SOX5: variants seen among roughly 807,000 people sequenced by gnomAD.
SOX5 encodes SRY-box transcription factor 5, also known as transcription factor SOX-5.
In SOX5, 9 loss-of-function variants were observed where a neutral mutation model predicts 92.0. That is an observed-to-expected ratio of 0.10 (90% CI 0.06 to 0.17). The LOEUF (loss-of-function observed/expected upper bound fraction) is 0.17. Ranked by LOEUF, SOX5 falls within the 10% of genes least tolerant of loss-of-function variation. SOX5 has a pLI of 1.00. For synonymous variants in SOX5, 344 were observed against 336.3 expected, an observed-to-expected ratio of 1.02 and a Z score of -0.25; for missense variants, 642 against 944.5, an observed-to-expected ratio of 0.68 and a Z score of 4.20.
intron 3 of SOX5, among the ~76,000 whole-genome samples, chr12:23,805,303 T>C (rs1426501026): frequency 2.0e-5 from 3 of 151,922 alleles, no homozygotes; most frequent in Non-Finnish European, 4.4e-5. Flanking sequence ...CTATCTATAG[T>C]GGTATATGTT....
At chr12:23,720,669 T>G (rs2092766285) in intron 6 of SOX5, among the ~76,000 whole-genome samples, 1 of 152,196 alleles carries the variant, frequency 6.6e-6, no homozygotes, top group Admixed American at 6.5e-5. Context: ...TTAAAGTTTT[T>G]TATATGTACC....
chr12:23,743,878 T>C (rs1211198269), intron 4 of SOX5, among the ~76,000 whole-genome samples: 1 of 152,248 alleles, frequency 6.6e-6, no homozygotes, highest in African/African-American at 2.4e-5. Flanking sequence ...GGGTCAACTG[T>C]ATATATTTGG....
At chr12:24,079,235 T>C (rs1410872480) in intron 4 of SOX5, among the ~76,000 whole-genome samples, 1 of 151,678 alleles carries the variant, frequency 6.6e-6, no homozygotes, top group Non-Finnish European at 1.5e-5. Flanking sequence ...AATATTTTCA[T>C]TTTAAAGATA....
intron 4 of SOX5, among the ~76,000 whole-genome samples, chr12:24,024,137 A>T (rs923975832): frequency 1.3e-5 from 2 of 152,186 alleles, no homozygotes; most frequent in African/African-American, 4.8e-5. Context: ...AGATTATTTA[A>T]TAAGTTATTA....
intron 1 of SOX5, among the ~76,000 whole-genome samples, chr12:24,496,714 G>A (rs1056631376): frequency 6.6e-6 from 1 of 152,134 alleles, no homozygotes; most frequent in East Asian, 1.9e-4. Flanking sequence ...CGTTTATACC[G>A]TGTTTTCCAA....
At chr12:23,705,329 T>C (rs2091248136) in intron 6 of SOX5, among the ~76,000 whole-genome samples, 1 of 152,158 alleles carries the variant, frequency 6.6e-6, no homozygotes, top group South Asian at 2.1e-4. Context: ...ATCTTCTCAC[T>C]AAACATCTGT....
At chr12:23,864,823 C>G (rs2096793885) in intron 2 of SOX5, among the ~76,000 whole-genome samples, 1 of 152,212 alleles carries the variant, frequency 6.6e-6, no homozygotes, top group Non-Finnish European at 1.5e-5. Flanking sequence ...TGCAGCAAGT[C>G]ATCCAGAAGA....
intron 1 of SOX5, among the ~76,000 whole-genome samples, chr12:24,558,716 C>T (rs1954050098): frequency 6.6e-6 from 1 of 152,112 alleles, no homozygotes; most frequent in Admixed American, 6.5e-5. Context: ...ATCAGAAATC[C>T]CTCTCATAAA....
rs906398798 is a variant in SOX5 at position 23,929,789 on chromosome 12, G to A, written c.38+19775C>T. Among the ~76,000 whole-genome samples the A allele has an allele frequency of 4.0e-5, 6 of 151,754 alleles. No homozygotes were observed. In the South Asian group the frequency reaches 1.0e-3, roughly 26 times the overall value. On this transcript the variant is annotated intron_variant, in intron 1 of 14. Transcript: ENST00000451604. ...ACTACTACTTTTTAAGACATAACAC[G>A]ACAGCTTATATTGAACCAACAGAAA...
intron 3 of SOX5, among the ~76,000 whole-genome samples, chr12:23,758,717 T>C (rs1227098410): frequency 2.0e-5 from 3 of 151,832 alleles, no homozygotes; most frequent in Non-Finnish European, 4.4e-5. Flanking sequence ...TAACCCCTAA[T>C]CCAAAAGTGT....
chr12:24,429,023 G>A (rs750066078), intron 1 of SOX5, among the ~76,000 whole-genome samples: 3 of 151,936 alleles, frequency 2.0e-5, no homozygotes, highest in Non-Finnish European at 4.4e-5. Flanking sequence ...GCATAAAGGT[G>A]TTGGAATAGT....
chr12:23,980,287 A>G (rs933149924), intron 4 of SOX5, among the ~76,000 whole-genome samples: 5 of 152,168 alleles, frequency 3.3e-5, no homozygotes, highest in Non-Finnish European at 7.3e-5. Flanking sequence ...CATAATATAA[A>G]GTGCAGGTAA....
At chr12:24,367,221 G>A (rs947021399) in intron 2 of SOX5, among the ~76,000 whole-genome samples, 2 of 152,138 alleles carry the variant, frequency 1.3e-5, no homozygotes, top group African/African-American at 4.8e-5. Flanking sequence ...TAAATGCCAA[G>A]AGTGAGTATT....
chr12:24,246,743 A>T (rs962478638), intron 3 of SOX5, among the ~76,000 whole-genome samples: 2 of 152,184 alleles, frequency 1.3e-5, no homozygotes, highest in African/African-American at 4.8e-5. Flanking sequence ...TATTTTCAAC[A>T]CCATTATAAT....
chr12:23,678,677 C>T (rs2086091798), intron 6 of SOX5, among the ~76,000 whole-genome samples: 1 of 152,028 alleles, frequency 6.6e-6, no homozygotes, highest in Non-Finnish European at 1.5e-5. Flanking sequence ...TCTATCTTTA[C>T]TCTTTGAAAC....
At chr12:23,957,194 A>G (rs994452559) in intron 4 of SOX5, among the ~76,000 whole-genome samples, 4 of 152,204 alleles carry the variant, frequency 2.6e-5, no homozygotes, top group African/African-American at 9.6e-5. Flanking sequence ...ACAGCAATAT[A>G]AGACAGTGAG....
chr12:23,790,291 ATATCT>A lies in SOX5; in HGVS notation c.482-34572_482-34568del, dbSNP rs1486704351. 5.3e-5 allele frequency among the ~76,000 whole-genome samples: 8 copies of A among 152,128 alleles called. No individual in the cohort carries two copies. The East Asian group carries it at 5.8e-4, about 11-fold the overall frequency. On this transcript the variant is annotated intron_variant, in intron 3 of 14. Transcript: ENST00000451604. ...ATGTGAATTTTATTATTTCATAATCATATCTTAAGTGTCATGATTTGCAAAATATA... is the reference window on the plus strand; with the variant it reads ...ATGTGAATTTTATTATTTCATAATCATAAGTGTCATGATTTGCAAAATATA...
chr12:24,524,457 C>T (rs1357267954), intron 1 of SOX5, among the ~76,000 whole-genome samples: 1 of 151,862 alleles, frequency 6.6e-6, no homozygotes, highest in African/African-American at 2.4e-5. Context: ...CTAATACACT[C>T]TATGTCTGTT....
At chr12:24,453,864 G>A (rs945594402) in intron 1 of SOX5, among the ~76,000 whole-genome samples, 5 of 152,154 alleles carry the variant, frequency 3.3e-5, no homozygotes, top group South Asian at 2.1e-4. Flanking sequence ...CTCCATCAGC[G>A]TCTACATCTC....
Sources: gnomAD v4.1 joint callset for allele counts (sites outside exome capture counted in the v4.1 genomes callset) on GRCh38, gnomAD v4.1.1 for gene constraint, MANE v1.5 for transcripts, NCBI Gene and HGNC (gene_info 2026-07-23, HGNC 2026-07-21) for gene names.